The following SYNE2 variants were observed in gnomAD, a reference collection of about 807,000 sequenced individuals.
SYNE2 encodes spectrin repeat containing nuclear envelope protein 2.
SYNE2 carries 431 observed loss-of-function variants against 856.3 expected under a neutral mutation model. The ratio of observed to expected loss-of-function variants is 0.50; its 90% CI spans 0.47 to 0.55. SYNE2 has a LOEUF of 0.55. Ranked by LOEUF, SYNE2 falls within the 20% of genes least tolerant of loss-of-function variation. The probability of loss-of-function intolerance (pLI) is 0.00; values close to 1 mark genes in which losing one functional copy is unlikely to be tolerated. For missense variants in SYNE2, 8,129 were observed against 8,023.2 expected (o/e 1.01, Z -0.50); for synonymous variants, 2,923 against 2,872.3 (o/e 1.02, Z -0.56).
intron 87 of SYNE2, among the ~76,000 whole-genome samples, chr14:64,160,291 C>G (rs533843802): frequency 2.0e-5 from 3 of 152,254 alleles, no homozygotes; most frequent in Admixed American, 1.3e-4. Flanking sequence ...TCAGTTGTTA[C>G]GCTGCACGTA....
Position 64,017,747 on chromosome 14 carries a change from A to G in SYNE2, c.5040A>G (p.Glu1680=), listed in dbSNP as rs1273894358. The G allele has an allele frequency of 2.7e-5, 43 of 1,613,488 alleles. No individual in the cohort carries two copies. Among genetic ancestry groups the G allele is most frequent in the Non-Finnish European group, 3.1e-5 (37 of 1,179,718 alleles). The change falls in exon 34 of 116, where the codon GAA becomes GAG. Residue 1680 remains glutamate, a synonymous_variant. Transcript: ENST00000555002. ...ELHQLTEEDR[E]RLKEELQVHE... is the part of the protein sequence containing the mutation. Reference sequence around the variant, plus strand: ...ATCAATTGACTGAAGAGGACAGAGAAAGGCTGAAGGTAATTTAACAGATAA... The same window carrying G: ...ATCAATTGACTGAAGAGGACAGAGAGAGGCTGAAGGTAATTTAACAGATAA...
At chr14:63,926,993 C>T (rs544077174) in intron 2 of SYNE2, among the ~76,000 whole-genome samples, 1 of 152,264 alleles carries the variant, frequency 6.6e-6, no homozygotes, top group African/African-American at 2.4e-5. Flanking sequence ...CAGGTGGGAA[C>T]ATAGCTTGTA....
At chr14:64,199,713 C>CAAAAAAA (rs34710996) in intron 99 of SYNE2, among the ~76,000 whole-genome samples, 6 of 66,068 alleles carry the variant, frequency 9.1e-5, no homozygotes, top group African/African-American at 1.2e-4. Flanking sequence ...GACTCTGTCT[C>CAAAAAAA]AAAAAAAAAA....
intron 18 of SYNE2, among the ~76,000 whole-genome samples, chr14:63,985,810 A>T (rs1041306962): frequency 5.3e-5 from 8 of 152,170 alleles, no homozygotes; most frequent in Non-Finnish European, 2.9e-5. Context: ...GGAGTTCAAG[A>T]TCAGCCTGGG....
At chr14:63,960,718 A>G (rs769357653) in intron 8 of SYNE2, 88 of 761,152 alleles carry the variant, frequency 1.2e-4, no homozygotes, top group Middle Eastern at 2.3e-4. Context: ...TGATTTTATG[A>G]TCTCCTTCAC....
At chr14:63,831,089 C>T (rs191459589) in intron 1 of SYNE2, among the ~76,000 whole-genome samples, 202 of 152,212 alleles carry the variant, frequency 1.3e-3, no homozygotes, top group African/African-American at 3.6e-3. Flanking sequence ...GATCCACCCG[C>T]TTCGGCCTCC....
intron 106 of SYNE2, 108 bp from the exon 107 acceptor site, chr14:64,215,178 A>AAAG: frequency 9.6e-7 from 1 of 1,037,178 alleles, no homozygotes; most frequent in South Asian, 1.3e-5. Context: ...TTAAAAAAAT[A>AAAG]AAGGGTAGTT....
In SYNE2 at chr14:64,142,020, T is replaced by G; in HGVS notation, c.15238T>G (p.Ser5080Ala). ...SWMNNVEHQTSDEDSVHSPSS... is the reference protein window; with the variant it reads ...SWMNNVEHQTADEDSVHSPSS... ...GATGAACAATGTGGAGCATCAAACT[T>G]CAGATGAAGACTCCGTGCATTCACC... is the stretch of plus-strand genomic sequence containing the variant. Residue 5080 changes from serine (S) to alanine (A), a missense_variant, in exon 82 of 116, where the codon TCA (serine) becomes GCA (alanine). Ser to Ala is a moderately conservative substitution (Grantham distance 99). Transcript: ENST00000555002. 1 of 1,614,130 alleles carries G rather than the reference T, an allele frequency of 6.2e-7. No individual in the cohort carries two copies. Among genetic ancestry groups the G allele is most frequent in the Non-Finnish European group, 8.5e-7 (1 of 1,180,026 alleles).
chr14:63,886,499 C>T (rs761417452), intron 1 of SYNE2, among the ~76,000 whole-genome samples: 2 of 151,982 alleles, frequency 1.3e-5, no homozygotes, highest in African/African-American at 2.4e-5. Context: ...TTTTAAGATA[C>T]ATTGTGTGAT....
At chr14:64,168,527 C>T (rs1482456706) in intron 92 of SYNE2, among the ~76,000 whole-genome samples, 2 of 152,114 alleles carry the variant, frequency 1.3e-5, no homozygotes, top group Non-Finnish European at 2.9e-5. Flanking sequence ...AGTTACTGAA[C>T]CTCTTTATAC....
At chr14:64,093,534 T>C (rs1332641386) in intron 61 of SYNE2, 54 bp downstream of exon 61, 3 of 1,606,976 alleles carry the variant, frequency 1.9e-6, no homozygotes, top group Non-Finnish European at 2.6e-6. Flanking sequence ...AGTGCATTTA[T>C]TTAATACTTA....
intron 32 of SYNE2, among the ~76,000 whole-genome samples, chr14:64,012,431 A>G (rs2096854141): frequency 1.3e-5 from 2 of 152,170 alleles, no homozygotes; most frequent in Admixed American, 6.5e-5. Flanking sequence ...TATATATTTA[A>G]TCCACCATGT....
At chr14:64,095,495 C>T (rs1463520774) in intron 61 of SYNE2, among the ~76,000 whole-genome samples, 1 of 152,184 alleles carries the variant, frequency 6.6e-6, no homozygotes, top group Non-Finnish European at 1.5e-5. Context: ...CAAATGTTGA[C>T]ACATTGTCAA....
intron 23 of SYNE2, among the ~76,000 whole-genome samples, chr14:63,995,510 C>G (rs957655146): frequency 6.6e-6 from 1 of 152,136 alleles, no homozygotes; most frequent in African/African-American, 2.4e-5. Flanking sequence ...TGGCTTTTGT[C>G]AGGACACAGT....
chr14:64,081,574 T>G lies in SYNE2; in HGVS notation c.11478T>G (p.Thr3826=), dbSNP rs2153613027. ...GGACACTGAGTCACCATGCTAGCAC[T>G]GTGCAGGTAAGTGTTCTTCCAGGTT... ...SLRTLSHHAS[T]VQMALEDSEQ... The change falls in exon 57 of 116, where the codon ACT becomes ACG. Residue 3826 remains threonine, a synonymous_variant. Transcript: ENST00000555002. 1 of 1,614,076 alleles carries G rather than the reference T, an allele frequency of 6.2e-7. No homozygotes were observed.
At position 64,021,360 on chromosome 14, in the gene SYNE2, T is replaced by G; in HGVS notation, c.5197T>G (p.Cys1733Gly). 1 of 1,614,162 alleles carries G rather than the reference T, an allele frequency of 6.2e-7. No individual in the cohort carries two copies. The change falls in exon 36 of 116, where the codon TGC becomes GGC. Residue 1733 changes from cysteine to glycine, a missense_variant. Transcript: ENST00000555002. ...ILNKMEHVQK[C>G]LTGESNCHAL... ...GAACAAGATGGAACATGTACAGAAG[T>G]GCTTAACAGGAGAATCCAACTGCCA...
chr14:64,089,685 A>T lies in SYNE2; in HGVS notation c.11782A>T (p.Lys3928Ter). The change falls in exon 59 of 116, where the codon AAA (lysine) becomes TAA (stop). Residue 3928 changes from lysine (K) to a stop codon, truncating the protein, a stop_gained. Transcript: ENST00000555002. LOFTEE classifies it high-confidence loss of function. ...IFDFSPEEHL[K>*]HGEVILENIR... ...TGATTTTTCACCTGAAGAACATCTC[A>T]AACATGGGGAGGTAAGCATAGATTA... 1 of 1,578,556 alleles carries T rather than the reference A, an allele frequency of 6.3e-7. No individual in the cohort carries two copies. The highest frequency in any genetic ancestry group is 8.7e-7 in the Non-Finnish European group (1 of 1,148,726).
Position 64,137,950 on chromosome 14 carries a change from A to G in SYNE2, c.14810A>G (p.His4937Arg). Residue 4937 changes from histidine to arginine, a missense_variant, in exon 79 of 116, where the codon CAC becomes CGC. Transcript: ENST00000555002. ...SLNKKIDHEL[H>R]RLQALLKHLL... ...AACAAGAAAATTGACCATGAGCTCC[A>G]CAGGCTGCAAGCTCTTCTCAAGCAT... 1.2e-6 allele frequency: 2 copies of G among 1,614,108 alleles called. No individual in the cohort carries two copies. The highest frequency in any genetic ancestry group is 1.7e-6 in the Non-Finnish European group (2 of 1,179,982).
rs532612966 is a variant in SYNE2, at chr14:63,942,493, A to AT, written c.408+360dup. On this transcript the variant is annotated intron_variant, in intron 6 of 115. Transcript: ENST00000555002. ...GCCACCATGCCTGGCTAATTTTCGT[A>AT]TTTTTTTTTTCTTTTTTTTGAGGTG... Among the ~76,000 whole-genome samples, 443 of 139,026 alleles carry AT rather than the reference A, an allele frequency of 3.2e-3. 11 individuals carry two copies. The East Asian group carries it at 0.057, about 18-fold the overall frequency. The allele number at this position is 139,026 out of a possible 152,430, so 91.2% of individuals were successfully genotyped here. A position where few individuals can be genotyped will look rare whatever the true frequency, so the allele number is the denominator to read the frequency against.
Sources: gnomAD v4.1 joint callset for allele counts (sites outside exome capture counted in the v4.1 genomes callset) on GRCh38, gnomAD v4.1.1 for gene constraint, MANE v1.5 for transcripts, NCBI Gene and HGNC (gene_info 2026-07-23, HGNC 2026-07-21) for gene names.